The following MAGI3 variants were observed in gnomAD, a reference collection of about 807,000 sequenced individuals.
MAGI3 encodes the protein membrane associated guanylate kinase, WW and PDZ domain containing 3.
MAGI3 carries 43 observed loss-of-function variants against 121.8 expected under a neutral mutation model. That is an observed-to-expected ratio of 0.35 (90% CI 0.28 to 0.46). MAGI3 has a LOEUF of 0.46. Among genes scored for constraint, MAGI3 ranks in the 20% least tolerant of loss-of-function variants. MAGI3 has a pLI of 1.00. For missense variants in MAGI3, 1,547 were observed against 1,797.3 expected, an observed-to-expected ratio of 0.86 and a Z score of 2.52; for synonymous variants, 553 against 639.3, an observed-to-expected ratio of 0.86 and a Z score of 2.04.
In MAGI3 at chr1:113,611,621, G is replaced by A. The variant is rs867767100; in HGVS notation, c.1019-2980G>A. 5.3e-5 allele frequency among the ~76,000 whole-genome samples: 8 copies of A among 152,158 alleles called. No homozygotes were observed. In the South Asian group the frequency reaches 1.7e-3, roughly 32 times the overall value. On this transcript the variant is annotated intron_variant, in intron 6 of 20. Coordinates refer to ENST00000307546, the MANE Select transcript of MAGI3 (RefSeq NM_001142782.2). ...CTATTAGTGTTTATCTTATTTGTCT[G>A]CCTTTATTCTCATTGCACACCATCT... is the stretch of plus-strand genomic sequence containing the variant.
chr1:113,419,868 G>C (rs1400977464), intron 1 of MAGI3, among the ~76,000 whole-genome samples: 1 of 152,146 alleles, frequency 6.6e-6, no homozygotes, highest in Admixed American at 6.5e-5. Context: ...TAAGTTTCTA[G>C]AGCCTGCCTG....
At chr1:113,667,349 A>G (rs1018049946) in intron 16 of MAGI3, among the ~76,000 whole-genome samples, 2 of 152,252 alleles carry the variant, frequency 1.3e-5, no homozygotes, top group African/African-American at 4.8e-5. Context: ...CAGCTTCTGT[A>G]TCAGCACTTG....
chr1:113,527,988 A>C (rs1477492417), intron 1 of MAGI3, among the ~76,000 whole-genome samples: 1 of 152,150 alleles, frequency 6.6e-6, no homozygotes, highest in Non-Finnish European at 1.5e-5. Flanking sequence ...GTATGCGTAC[A>C]TGTCTGTGTT....
At chr1:113,412,537 G>T (rs1398190130) in intron 1 of MAGI3, among the ~76,000 whole-genome samples, 3 of 152,064 alleles carry the variant, frequency 2.0e-5, no homozygotes, top group East Asian at 3.9e-4. Flanking sequence ...AGCACCTGTT[G>T]TTTCCTGCCT....
intron 1 of MAGI3, among the ~76,000 whole-genome samples, chr1:113,532,167 A>G (rs1039131677): frequency 2.0e-5 from 3 of 152,192 alleles, no homozygotes; most frequent in African/African-American, 7.2e-5. Context: ...TCACATAAAT[A>G]TAGCCCTACT....
At chr1:113,424,855 C>T (rs1652915612) in intron 1 of MAGI3, among the ~76,000 whole-genome samples, 1 of 152,078 alleles carries the variant, frequency 6.6e-6, no homozygotes, top group Admixed American at 6.6e-5. Context: ...AATCTGGGAC[C>T]AGGTGTGGTG....
At chr1:113,414,529 TATTA>T (rs1293394618) in intron 1 of MAGI3, among the ~76,000 whole-genome samples, 1 of 152,140 alleles carries the variant, frequency 6.6e-6, no homozygotes, top group Non-Finnish European at 1.5e-5. Context: ...GTTGGTAGGC[TATTA>T]ATTATTGCCT....
chr1:113,564,758 C>T (rs1334368804), intron 2 of MAGI3, among the ~76,000 whole-genome samples: 1 of 151,906 alleles, frequency 6.6e-6, no homozygotes, highest in African/African-American at 2.4e-5. Flanking sequence ...AAATAAAAAT[C>T]ATTTAAAATT....
At chr1:113,527,129 T>C (rs1421306372) in intron 1 of MAGI3, among the ~76,000 whole-genome samples, 1 of 152,174 alleles carries the variant, frequency 6.6e-6, no homozygotes, top group Non-Finnish European at 1.5e-5. Context: ...CAATTGTTAA[T>C]ATTATTATTA....
At chr1:113,464,295 C>T (rs1655169819) in intron 1 of MAGI3, among the ~76,000 whole-genome samples, 1 of 152,054 alleles carries the variant, frequency 6.6e-6, no homozygotes, top group African/African-American at 2.4e-5. Context: ...TAATTACCTC[C>T]CGTTTCATCC....
intron 1 of MAGI3, among the ~76,000 whole-genome samples, chr1:113,505,210 T>C (rs1657258064): frequency 6.6e-6 from 1 of 152,030 alleles, no homozygotes; most frequent in Non-Finnish European, 1.5e-5. Context: ...AGATTTAAAT[T>C]TGGGAGTGAA....
At chr1:113,641,087 T>TA (rs1257185075) in intron 9 of MAGI3, among the ~76,000 whole-genome samples, 268 of 22,148 alleles carry the variant, frequency 0.012, 7 homozygotes, top group Non-Finnish European at 0.023. Flanking sequence ...ATATGAGATA[T>TA]ATATTATATA....
At chr1:113,504,581 G>A (rs116339326) in intron 1 of MAGI3, among the ~76,000 whole-genome samples, 64 of 152,182 alleles carry the variant, frequency 4.2e-4, no homozygotes, top group African/African-American at 1.4e-3. Context: ...ATGGGGATGT[G>A]GGAAGTGATT....
intron 2 of MAGI3, among the ~76,000 whole-genome samples, chr1:113,560,423 A>G (rs1001744796): frequency 6.6e-6 from 1 of 151,858 alleles, no homozygotes; most frequent in African/African-American, 2.4e-5. Flanking sequence ...CCAAAAAAAC[A>G]ATAAAACAAA....
At chr1:113,399,815 C>G (rs1384932477) in intron 1 of MAGI3, among the ~76,000 whole-genome samples, 1 of 152,046 alleles carries the variant, frequency 6.6e-6, no homozygotes, top group Non-Finnish European at 1.5e-5. Context: ...CCTAGTTAAA[C>G]AATTACGTTT....
At chr1:113,551,906 TCTA>T (rs1233089873) in intron 2 of MAGI3, among the ~76,000 whole-genome samples, 2 of 152,078 alleles carry the variant, frequency 1.3e-5, no homozygotes. Context: ...TGCTTCTGTC[TCTA>T]CTATGAGTAA....
intron 9 of MAGI3, among the ~76,000 whole-genome samples, chr1:113,624,049 A>C (rs1651058119): frequency 6.6e-6 from 1 of 152,154 alleles, no homozygotes; most frequent in African/African-American, 2.4e-5. Context: ...CATTCTTTTT[A>C]TGGCTGAATA....
chr1:113,565,382 T>C (rs1211330180), intron 2 of MAGI3, among the ~76,000 whole-genome samples: 1 of 152,238 alleles, frequency 6.6e-6, no homozygotes, highest in East Asian at 1.9e-4. Context: ...TCTCCTGATT[T>C]TGATTTTGCC....
At chr1:113,633,472 G>A (rs1228757003) in intron 9 of MAGI3, among the ~76,000 whole-genome samples, 3 of 150,940 alleles carry the variant, frequency 2.0e-5, no homozygotes, top group Non-Finnish European at 3.0e-5. Context: ...CGTTTTAGCC[G>A]GGATGGTCTC....
Sources: allele counts gnomAD v4.1 joint callset (sites outside exome capture counted in the v4.1 genomes callset), GRCh38; gene constraint gnomAD v4.1.1; transcripts MANE v1.5; gene names NCBI Gene and HGNC (gene_info 2026-07-23, HGNC 2026-07-21).